Variants in GNA14 observed in about 807,000 individuals in gnomAD.
GNA14 encodes the protein guanine nucleotide-binding protein subunit alpha-14.
A neutral mutation model predicts 42.0 loss-of-function variants in GNA14; 50 were observed. The ratio of observed to expected loss-of-function variants is 1.19; its 90% CI spans 0.95 to 1.51. The LOEUF is 1.51. Ranked by LOEUF, GNA14 falls within the 40% of genes most tolerant of loss-of-function variation. The probability of loss-of-function intolerance (pLI) is 0.00; values close to 1 mark genes in which losing one functional copy is unlikely to be tolerated. For missense variants in GNA14, 473 were observed against 446.2 expected (o/e 1.06, Z -0.54); for synonymous variants, 173 against 163.1 (o/e 1.06, Z -0.46).
At chr9:77,518,508 A>G (rs898258475) in intron 2 of GNA14, among the ~76,000 whole-genome samples, 5 of 152,042 alleles carry the variant, frequency 3.3e-5, no homozygotes, top group African/African-American at 1.2e-4. Flanking sequence ...AGGGGCTGCC[A>G]CTGGTCTGTC....
At chr9:77,458,492 G>C (rs1836046302) in intron 2 of GNA14, among the ~76,000 whole-genome samples, 1 of 152,112 alleles carries the variant, frequency 6.6e-6, no homozygotes, top group Non-Finnish European at 1.5e-5. Flanking sequence ...GAAAGTTCCG[G>C]ATTTAGTTAG....
At chr9:77,457,514 T>A (rs1217264479) in intron 2 of GNA14, among the ~76,000 whole-genome samples, 6 of 152,230 alleles carry the variant, frequency 3.9e-5, no homozygotes, top group Admixed American at 2.6e-4. Flanking sequence ...TAGACAGCTC[T>A]GTGTGATGGA....
chr9:77,458,249 A>G (rs993454457), intron 2 of GNA14, among the ~76,000 whole-genome samples: 2 of 152,104 alleles, frequency 1.3e-5, no homozygotes, highest in African/African-American at 2.4e-5. Flanking sequence ...ATCAGCCATT[A>G]CCCACTTCTC....
At chr9:77,519,492 C>T in intron 2 of GNA14, among the ~76,000 whole-genome samples, 1 of 152,132 alleles carries the variant, frequency 6.6e-6, no homozygotes, top group East Asian at 1.9e-4. Context: ...TTAATGTATT[C>T]CGTTTAAAAC....
intron 5 of GNA14, 119 bp downstream of exon 5, chr9:77,428,788 T>C: frequency 1.0e-6 from 1 of 998,524 alleles, no homozygotes. Flanking sequence ...GGTCACACTT[T>C]GAGTAGCAAG....
intron 1 of GNA14, among the ~76,000 whole-genome samples, chr9:77,627,729 G>A (rs867660597): frequency 3.9e-5 from 6 of 152,114 alleles, no homozygotes; most frequent in African/African-American, 1.4e-4. Flanking sequence ...ACTAGGTATT[G>A]ATGGAACGTA....
At chr9:77,635,448 C>T (rs1824168849) in intron 1 of GNA14, 1 of 152,102 alleles carries the variant, frequency 6.6e-6, no homozygotes, top group African/African-American at 2.4e-5. Context: ...GGTTTCTTTT[C>T]TAGTCTAATT....
intron 2 of GNA14, among the ~76,000 whole-genome samples, chr9:77,524,277 T>G (rs1488150503): frequency 6.6e-6 from 1 of 152,200 alleles, no homozygotes; most frequent in Non-Finnish European, 1.5e-5. Flanking sequence ...CGGAACTAAA[T>G]TTCCGATAAA....
intron 2 of GNA14, among the ~76,000 whole-genome samples, chr9:77,504,638 A>G (rs1283556240): frequency 7.1e-6 from 1 of 141,784 alleles, no homozygotes; most frequent in Non-Finnish European, 1.5e-5. Context: ...CTGTTGAGCC[A>G]TGGTTCTAGA....
chr9:77,460,786 C>A (rs554805668), intron 2 of GNA14, among the ~76,000 whole-genome samples: 5 of 152,140 alleles, frequency 3.3e-5, no homozygotes, highest in African/African-American at 1.2e-4. Context: ...ATGAAAAGAA[C>A]GAAGTGCATT....
At chr9:77,498,489 G>C (rs1339057231) in intron 2 of GNA14, among the ~76,000 whole-genome samples, 1 of 152,110 alleles carries the variant, frequency 6.6e-6, no homozygotes, top group Admixed American at 6.6e-5. Flanking sequence ...AAGCCCGTAG[G>C]AGCTACTCAA....
At chr9:77,499,850 A>AAAATAAATAAAT (rs372910074) in intron 2 of GNA14, among the ~76,000 whole-genome samples, 3 of 151,782 alleles carry the variant, frequency 2.0e-5, no homozygotes, top group African/African-American at 7.3e-5. Context: ...ACTGTCTCAA[A>AAAATAAATAAAT]AAATAAATAA....
At chr9:77,610,766 A>G (rs943504472) in intron 1 of GNA14, among the ~76,000 whole-genome samples, 6 of 152,214 alleles carry the variant, frequency 3.9e-5, no homozygotes, top group African/African-American at 1.4e-4. Flanking sequence ...ATTACAGACT[A>G]GAACAGAGAA....
At position 77,529,068 on chromosome 9, in the gene GNA14, C is replaced by A. The variant is rs753819571; in HGVS notation, c.309+1G>T. On this transcript the variant is annotated splice_donor_variant, in intron 2 of 6. Coordinates refer to ENST00000341700, the MANE Select transcript of GNA14 (RefSeq NM_004297.4). LOFTEE classifies it high-confidence loss of function. ...GGGCAAGCACTCCCTAAGCACGTTA[C>A]CTTATTCTGTTCACACACATACTGT... 1 of 1,613,798 alleles carries A rather than the reference C, an allele frequency of 6.2e-7. No homozygotes were observed. Among genetic ancestry groups the A allele is most frequent in the South Asian group, 1.1e-5 (1 of 91,080 alleles).
At chr9:77,506,283 TAAAAA>T (rs199978059) in intron 2 of GNA14, among the ~76,000 whole-genome samples, 2 of 126,802 alleles carry the variant, frequency 1.6e-5, no homozygotes, top group African/African-American at 2.9e-5. Context: ...CCCTGTCTCT[TAAAAA>T]AAAAAAAAAA....
At position 77,632,497 on chromosome 9, in the gene GNA14, A is replaced by C. The variant is rs12339495; in HGVS notation, c.124+15173T>G. ...GTAGGGGCTAAAAGAGCTGTAACAC[A>C]AACAGGGCTGAAATATGCCCCTTGC... On this transcript the variant is annotated intron_variant, in intron 1 of 6. Transcript: ENST00000341700. Among the ~76,000 whole-genome samples, 822 of 152,266 alleles carry C rather than the reference A, an allele frequency of 5.4e-3. 13 individuals are homozygous for C. Among genetic ancestry groups the C allele is most frequent in the African/African-American group, 0.019 (786 of 41,530 alleles).
At chr9:77,582,857 C>CTTGCTCA (rs1274253672) in intron 1 of GNA14, among the ~76,000 whole-genome samples, 1 of 152,216 alleles carries the variant, frequency 6.6e-6, no homozygotes, top group Admixed American at 6.5e-5. Context: ...AGGGCCTGGT[C>CTTGCTCA]TTGCTCATCT....
At chr9:77,484,119 A>G (rs1460793653) in intron 2 of GNA14, among the ~76,000 whole-genome samples, 5 of 152,346 alleles carry the variant, frequency 3.3e-5, no homozygotes, top group African/African-American at 1.2e-4. Flanking sequence ...AGAAGAAGAA[A>G]TAACAACTGG....
chr9:77,632,024 C>T (rs769587141), intron 1 of GNA14, among the ~76,000 whole-genome samples: 1 of 152,036 alleles, frequency 6.6e-6, no homozygotes, highest in Non-Finnish European at 1.5e-5. Context: ...AGGAGCCCTA[C>T]CCTGCTGGCC....
Sources: allele counts gnomAD v4.1 joint callset (sites outside exome capture counted in the v4.1 genomes callset), GRCh38; gene constraint gnomAD v4.1.1; transcripts MANE v1.5; gene names NCBI Gene and HGNC (gene_info 2026-07-23, HGNC 2026-07-21).